TTC7A: variants seen among roughly 807,000 people sequenced by gnomAD.
The protein encoded by TTC7A is tetratricopeptide repeat domain 7A, also known as tetratricopeptide repeat protein 7A.
Under a neutral mutation model 103.7 loss-of-function variants are expected in TTC7A, and 110 were observed. The observed-to-expected ratio is 1.06, with a 90% CI of 0.91 to 1.24. The LOEUF is 1.24. TTC7A is among the 50% of genes most tolerant of loss of function. TTC7A has a pLI of 0.00. For synonymous variants in TTC7A, 521 were observed against 467.9 expected (o/e 1.11, Z -1.47); for missense variants, 1,340 against 1,116.3 (o/e 1.20, Z -2.86).
exon 1 of TTC7A, chr2:46,916,542 C>T (rs1019174242): frequency 2.0e-5 from 3 of 152,946 alleles, no homozygotes; most frequent in African/African-American, 7.2e-5. Flanking sequence ...ATAATCCTGC[C>T]CTTACACCTG....
At chr2:47,060,063 TAGG>T (rs1160655733) in intron 18 of TTC7A, among the ~76,000 whole-genome samples, 1 of 151,732 alleles carries the variant, frequency 6.6e-6, no homozygotes, top group Non-Finnish European at 1.5e-5. Flanking sequence ...GAGACTGAGG[TAGG>T]AGGATTGCTT....
At chr2:47,009,428 T>C (rs903579272) in intron 10 of TTC7A, among the ~76,000 whole-genome samples, 1 of 152,106 alleles carries the variant, frequency 6.6e-6, no homozygotes, top group African/African-American at 2.4e-5. Flanking sequence ...CCTAGCCCAG[T>C]ACTGGGTGAG....
chr2:47,011,384 C>T lies in TTC7A; in HGVS notation c.1341C>T (p.Asp447=). 1 of 1,611,888 alleles carries T rather than the reference C, an allele frequency of 6.2e-7. No homozygotes were observed. Among genetic ancestry groups the T allele is most frequent in the Non-Finnish European group, 8.5e-7 (1 of 1,179,882 alleles). The stretch of plus-strand genomic sequence containing the variant: ...AGTGTGTGAAGTTGCGGCCCTCGGA[C>T]CCCACCGTGCCCCTGATGGCCGCGA... ...LRECVKLRPS[D]PTVPLMAAKV... Residue 447 remains aspartate (D), a synonymous_variant, in exon 11 of 20, where the codon GAC becomes GAT. Coordinates refer to ENST00000319190, the MANE Select transcript of TTC7A (RefSeq NM_020458.4).
At chr2:46,955,051 T>C (rs1671726929) in intron 2 of TTC7A, among the ~76,000 whole-genome samples, 2 of 152,218 alleles carry the variant, frequency 1.3e-5, no homozygotes, top group South Asian at 2.1e-4. Context: ...CTTGTCTCCA[T>C]GTGCAGGATA....
Position 46,956,823 on chromosome 2 carries a change from G to C in TTC7A, c.349-16G>C. The C allele has an allele frequency of 6.2e-7, 1 of 1,613,778 alleles. No homozygotes were observed. Among genetic ancestry groups the C allele is most frequent in the Non-Finnish European group, 8.5e-7 (1 of 1,179,700 alleles). ...ACTTTGGGGCAGGCGCTGGTAACAT[G>C]TCCTTGTCATTTCAGCCACAGTACA... On this transcript the variant is annotated splice_polypyrimidine_tract_variant and intron_variant, in intron 2 of 19. Coordinates refer to ENST00000319190, the MANE Select transcript of TTC7A (RefSeq NM_020458.4).
At chr2:46,988,983 G>A (rs766069079) in intron 5 of TTC7A, among the ~76,000 whole-genome samples, 1 of 152,156 alleles carries the variant, frequency 6.6e-6, no homozygotes, top group Non-Finnish European at 1.5e-5. Context: ...ACCACACATT[G>A]TGCTGGTACA....
At position 47,024,242 on chromosome 2, in the gene TTC7A, A is replaced by G. The variant is rs769501798; in HGVS notation, c.1569-45A>G. 4.6e-6 allele frequency: 7 copies of G among 1,530,252 alleles called. No homozygotes were observed. The South Asian group carries it at 8.5e-5, about 19-fold the overall frequency. The allele number at this position is 1,530,252 out of a possible 1,614,324, so 94.8% of individuals were successfully genotyped here. A position where few individuals can be genotyped will look rare whatever the true frequency, so the allele number is the denominator to read the frequency against. ...TGGAGGCCCGAGTCACACGTTGGTC[A>G]CTCAACCCCTGGTGCCTGACTTGTC... On this transcript the variant is annotated intron_variant, in intron 13 of 19. Coordinates refer to ENST00000319190, the MANE Select transcript of TTC7A (RefSeq NM_020458.4).
At position 47,073,701 on chromosome 2, in the gene TTC7A, G is replaced by C. The variant is rs763202400; in HGVS notation, c.2356-1G>C. The C allele has an allele frequency of 4.3e-6, 7 of 1,613,834 alleles. No homozygotes were observed. Among genetic ancestry groups the C allele is most frequent in the Non-Finnish European group, 5.9e-6 (7 of 1,179,986 alleles). On this transcript the variant is annotated splice_acceptor_variant, in intron 19 of 19. Transcript: ENST00000319190. LOFTEE classifies it high-confidence loss of function. The stretch of plus-strand genomic sequence containing the variant: ...CACCCTGCCCTGTGCTTCGTCCACA[G>C]GGTCTGATGCTGAGTCGGCTGGGCC...
intron 2 of TTC7A, among the ~76,000 whole-genome samples, chr2:46,933,820 A>T (rs1419104061): frequency 6.6e-6 from 1 of 152,256 alleles, no homozygotes; most frequent in East Asian, 1.9e-4. Context: ...CTAGGGTGAC[A>T]GCAAGGTGGA....
intron 1 of TTC7A, among the ~76,000 whole-genome samples, chr2:46,944,884 A>G (rs978345547): frequency 6.6e-6 from 1 of 152,100 alleles, no homozygotes; most frequent in Non-Finnish European, 1.5e-5. Flanking sequence ...CCATTATTAC[A>G]CCTTACAAAA....
intron 15 of TTC7A, among the ~76,000 whole-genome samples, chr2:47,037,377 G>A (rs1265207747): frequency 6.6e-6 from 1 of 152,226 alleles, no homozygotes; most frequent in Non-Finnish European, 1.5e-5. Flanking sequence ...TTTTTGGAAG[G>A]AAGAGAACCA....
intron 19 of TTC7A, among the ~76,000 whole-genome samples, chr2:47,062,197 G>A (rs540906441): frequency 1.7e-4 from 26 of 152,330 alleles, no homozygotes; most frequent in Admixed American, 4.6e-4. Context: ...GAGTGTTGCC[G>A]AGAGAATGCA....
intron 2 of TTC7A, among the ~76,000 whole-genome samples, chr2:46,924,517 G>C (rs1474173587): frequency 2.0e-5 from 3 of 152,068 alleles, no homozygotes; most frequent in Admixed American, 2.0e-4. Flanking sequence ...AAAATATATT[G>C]AGTATGAGTG....
At chr2:47,049,884 C>T in intron 16 of TTC7A, 65 bp from the exon 17 acceptor site, 1 of 1,237,688 alleles carries the variant, frequency 8.1e-7, no homozygotes, top group Non-Finnish European at 1.2e-6. Context: ...TGGCCCTCTA[C>T]CTCACTGGGC....
At chr2:47,047,130 A>G (rs1357844195) in intron 16 of TTC7A, 2 of 622,414 alleles carry the variant, frequency 3.2e-6, no homozygotes, top group Non-Finnish European at 5.8e-6. Context: ...ATGTGGCCCA[A>G]AGGGAAAGTG....
chr2:47,036,786 A>G (rs1027023996), intron 15 of TTC7A, among the ~76,000 whole-genome samples: 16 of 152,204 alleles, frequency 1.1e-4, no homozygotes, highest in African/African-American at 3.6e-4. Context: ...TGAGCCTAGG[A>G]AGTTCAGGCT....
chr2:47,004,594 G>A (rs1677176174), intron 8 of TTC7A, among the ~76,000 whole-genome samples: 1 of 152,138 alleles, frequency 6.6e-6, no homozygotes, highest in South Asian at 2.1e-4. Context: ...AGGAGGGCAA[G>A]TACTATTGTA....
At chr2:46,971,984 GAGGGAGGAAGGAAGGA>G (rs1208161809) in intron 3 of TTC7A, among the ~76,000 whole-genome samples, 1 of 149,204 alleles carries the variant, frequency 6.7e-6, no homozygotes, top group Non-Finnish European at 1.5e-5. Flanking sequence ...GGCAGGGAGG[GAGGGAGGAAGGAAGGA>G]AGGGAGGAAG....
chr2:46,929,212 A>G (rs1359292681), intron 2 of TTC7A, among the ~76,000 whole-genome samples: 2 of 152,070 alleles, frequency 1.3e-5, no homozygotes, highest in African/African-American at 4.8e-5. Context: ...GGCTGGGTAC[A>G]GTGGCTCATG....
Sources: allele counts gnomAD v4.1 joint callset (sites outside exome capture counted in the v4.1 genomes callset), GRCh38; gene constraint gnomAD v4.1.1; transcripts MANE v1.5; gene names NCBI Gene and HGNC (gene_info 2026-07-23, HGNC 2026-07-21).